Variants in BSN observed in about 807,000 individuals in gnomAD.
The protein encoded by BSN is bassoon presynaptic cytomatrix protein.
A neutral mutation model predicts 264.8 loss-of-function variants in BSN; 57 were observed. The observed-to-expected ratio is 0.22, with a 90% CI of 0.17 to 0.27. The LOEUF (loss-of-function observed/expected upper bound fraction) is 0.27, where lower values mean the gene tolerates loss of function less well. Ranked by LOEUF, BSN falls within the 10% of genes least tolerant of loss-of-function variation. The pLI, the probability that BSN is intolerant of heterozygous loss-of-function variation, is 1.00. For missense variants in BSN, 4,615 were observed against 5,232.5 expected (o/e 0.88, Z 3.64); for synonymous variants, 2,059 against 2,137.3 (o/e 0.96, Z 1.01).
At chr3:49,588,255 A>G (rs2051951307) in intron 1 of BSN, among the ~76,000 whole-genome samples, 1 of 152,090 alleles carries the variant, frequency 6.6e-6, no homozygotes, top group African/African-American at 2.4e-5. Flanking sequence ...CTAGGAAGTC[A>G]GTGCAAATTG....
At chr3:49,560,415 A>T (rs905513788) in intron 1 of BSN, among the ~76,000 whole-genome samples, 1 of 152,098 alleles carries the variant, frequency 6.6e-6, no homozygotes, top group Non-Finnish European at 1.5e-5. Context: ...TAGGTGTTTT[A>T]TTTCTTATTC....
Position 49,653,046 on chromosome 3 carries a change from C to G in BSN, c.3490C>G (p.Pro1164Ala). The G allele has an allele frequency of 5.6e-6, 9 of 1,613,600 alleles. No individual in the cohort carries two copies. The highest frequency in any genetic ancestry group is 7.6e-6 in the Non-Finnish European group (9 of 1,180,030). Residue 1164 changes from proline to alanine, a missense_variant, in exon 5 of 12, where the codon CCA becomes GCA. Physicochemically the swap from Pro to Ala is conservative, Grantham distance 27. Transcript: ENST00000296452. This position sits in a 1 kb window ranked among gnomAD's most constrained non-coding sequence, Gnocchi z 6.3. ...GCCCACCTTCATGTCCCTCTACTCA[C>G]CAACCGAGACACCCTCCGGCAGCTC... ...NLPTFMSLYS[P>A]TETPSGSSTT...
Position 49,554,638 on chromosome 3 carries a change from C to T in BSN, c.36C>T (p.Gly12=), listed in dbSNP as rs1453475598. The T allele has an allele frequency of 2.0e-6, 2 of 983,324 alleles. No homozygotes were observed. Among genetic ancestry groups the T allele is most frequent in the Non-Finnish European group, 1.2e-6 (1 of 829,976 alleles). The allele number at this position is 983,324 out of a possible 1,614,324, so 60.9% of individuals were successfully genotyped here. A position where few individuals can be genotyped will look rare whatever the true frequency, so the allele number is the denominator to read the frequency against. The change falls in exon 1 of 12, where the codon GGC becomes GGT. Residue 12 remains glycine, a synonymous_variant. Transcript: ENST00000296452. ...AGGTCAGCCTGGAGGGCGGCGCTGG[C>T]GACGGGCCGCTGCCGCCCGGCGGCG... ...GNEVSLEGGA[G]DGPLPPGGAG...
chr3:49,565,063 G>A (rs2051741967), intron 1 of BSN, among the ~76,000 whole-genome samples: 1 of 149,836 alleles, frequency 6.7e-6, no homozygotes, highest in African/African-American at 2.4e-5. Context: ...AACCTACCAC[G>A]TAGCTTCAAC....
chr3:49,671,402 T>C lies in BSN; in HGVS notation c.*3917T>C, dbSNP rs1369671770. 6.6e-6 allele frequency: 1 copy of C among 152,568 alleles called. No homozygotes were observed. The highest frequency in any genetic ancestry group is 2.4e-5 in the African/African-American group (1 of 41,410). 9.5% of individuals were successfully genotyped at this position (152,568 alleles called of 1,614,324 possible). A position where few individuals can be genotyped will look rare whatever the true frequency, so the allele number is the denominator to read the frequency against. The stretch of plus-strand genomic sequence containing the variant: ...AACAAGTTTACAGTTGTAAGTGCAA[T>C]GACCCGAGTCCTCCACATGACCTTG... On this transcript the variant is annotated 3_prime_UTR_variant, in exon 12 of 12. Transcript: ENST00000296452. This position sits in a 1 kb window ranked among gnomAD's most constrained non-coding sequence, Gnocchi z 4.1.
intron 1 of BSN, among the ~76,000 whole-genome samples, chr3:49,566,987 T>A (rs59709199): frequency 6.6e-6 from 1 of 152,160 alleles, no homozygotes; most frequent in African/African-American, 2.4e-5. Context: ...ACCTTTTTTT[T>A]AATGCACCAA....
intron 1 of BSN, among the ~76,000 whole-genome samples, chr3:49,618,683 C>T (rs974165871): frequency 6.6e-6 from 1 of 152,200 alleles, no homozygotes; most frequent in African/African-American, 2.4e-5. Flanking sequence ...TCTGGGTCTT[C>T]GTGCATGCTG....
At chr3:49,595,318 G>A (rs1314960467) in intron 1 of BSN, among the ~76,000 whole-genome samples, 2 of 151,360 alleles carry the variant, frequency 1.3e-5, no homozygotes, top group Admixed American at 6.6e-5. Flanking sequence ...TCAGCCTTCC[G>A]AGTAGCTGGG....
chr3:49,587,717 G>A (rs569135120), intron 1 of BSN, among the ~76,000 whole-genome samples: 154 of 152,054 alleles, frequency 1.0e-3, no homozygotes, highest in Non-Finnish European at 1.9e-3. Flanking sequence ...AGTATGATTG[G>A]TTGTGGAAGG....
chr3:49,650,248 C>G (rs1023313485), intron 3 of BSN, among the ~76,000 whole-genome samples: 6 of 152,222 alleles, frequency 3.9e-5, no homozygotes, highest in Non-Finnish European at 7.3e-5. Context: ...CATACCAGCC[C>G]ACTAGGAGCC....
rs1207945340 is a variant in BSN at position 49,663,430 on chromosome 3, C to A, written c.11272C>A (p.Gln3758Lys). ...QGRQAAPGPQ[Q>K]SQSPSSRQIP... ...TCGGCAGGCAGCTCCAGGACCACAG[C>A]AGTCACAGTCACCATCATCCAGGCA... Residue 3758 changes from glutamine (Q) to lysine (K), a missense_variant, in exon 7 of 12, where the codon CAG becomes AAG. By Grantham distance (53) the Gln-to-Lys change is moderately conservative. Transcript: ENST00000296452. 1 of 1,612,886 alleles carries A rather than the reference C, an allele frequency of 6.2e-7. No homozygotes were observed. The highest frequency in any genetic ancestry group is 1.7e-5 in the Admixed American group (1 of 60,034).
chr3:49,654,132 C>T lies in BSN; in HGVS notation c.4576C>T (p.Pro1526Ser), dbSNP rs1358030838. 3 of 1,614,066 alleles carry T rather than the reference C, an allele frequency of 1.9e-6. No individual in the cohort carries two copies. Among genetic ancestry groups the T allele is most frequent in the Non-Finnish European group, 2.5e-6 (3 of 1,180,032 alleles). Residue 1526 changes from proline to serine, a missense_variant, in exon 5 of 12, where the codon CCA becomes TCA. Pro to Ser is a moderately conservative substitution (Grantham distance 74). This residue lies in a region of BSN where 3,415 missense variants were observed against 3,866.4 expected (regional missense o/e 0.88). Transcript: ENST00000296452. This position sits in a 1 kb window ranked among gnomAD's most constrained non-coding sequence, Gnocchi z 4.1. ...DMPRSPGAPT[P>S]SPMVAQGTQT... is the part of the protein sequence containing the mutation. The stretch of plus-strand genomic sequence containing the variant: ...GCCACGGAGCCCTGGTGCCCCCACT[C>T]CATCACCTATGGTAGCCCAGGGTAC...
In BSN at chr3:49,656,529, GC is replaced by G. The variant is rs2108088353; in HGVS notation, c.6977del (p.Pro2326GlnfsTer6). 6.4e-7 allele frequency: 1 copy of G among 1,570,692 alleles called. No homozygotes were observed. On this transcript the variant is annotated frameshift_variant, in exon 5 of 12. Coordinates refer to ENST00000296452, the MANE Select transcript of BSN (RefSeq NM_003458.4). LOFTEE classifies it high-confidence loss of function. ...TPAAIKEAAG[A>X]PAPAPLAGQK... ...TGCTGCCATCAAGGAGGCTGCAGGA[GC>G]CCCAGCTCCTGCCCCACTAGCTGGC... is the stretch of plus-strand genomic sequence containing the variant.
At position 49,650,939 on chromosome 3, in the gene BSN, G is replaced by C. The variant is rs2052536905; in HGVS notation, c.1846G>C (p.Ala616Pro). ...QEKKTRVPTK[A>P]EPMPKPPPET... ...AAAGAAGACCCGAGTCCCCACTAAAGCTGAGCCCATGCCGAAGCCACCTCC... is the reference window on the plus strand; with the variant it reads ...AAAGAAGACCCGAGTCCCCACTAAACCTGAGCCCATGCCGAAGCCACCTCC... The change falls in exon 4 of 12, where the codon GCT becomes CCT. Residue 616 changes from alanine to proline, a missense_variant. Transcript: ENST00000296452. 1.2e-6 allele frequency: 2 copies of C among 1,614,174 alleles called. No homozygotes were observed. The highest frequency in any genetic ancestry group is 1.7e-6 in the Non-Finnish European group (2 of 1,180,038).
At chr3:49,630,681 A>C (rs1372459019) in intron 2 of BSN, among the ~76,000 whole-genome samples, 1 of 152,244 alleles carries the variant, frequency 6.6e-6, no homozygotes, top group African/African-American at 2.4e-5. Flanking sequence ...TTCAGATCTG[A>C]AAATAAGAAA....
chr3:49,661,748 G>C lies in BSN; in HGVS notation c.9903G>C (p.Lys3301Asn). 6.2e-7 allele frequency: 1 copy of C among 1,613,450 alleles called. No homozygotes were observed. ...AGGACTCATACGATCCCCGCGGGAA[G>C]GGTGGCCACCTCCGGAGCATGGAGA... ...SEEDSYDPRGKGGHLRSMESN... is the reference protein window; with the variant it reads ...SEEDSYDPRGNGGHLRSMESN... Residue 3301 changes from lysine (K) to asparagine (N), a missense_variant, in exon 6 of 12, where the codon AAG becomes AAC. Lys to Asn is a moderately conservative substitution (Grantham distance 94). Around this residue, in one of 3 missense-constraint regions of BSN, gnomAD observed 3,415 missense variants for 3,866.4 expected, o/e 0.88. Coordinates refer to ENST00000296452, the MANE Select transcript of BSN (RefSeq NM_003458.4).
Position 49,655,812 on chromosome 3 carries a change from A to C in BSN, c.6256A>C (p.Ser2086Arg). 1.2e-6 allele frequency: 2 copies of C among 1,613,418 alleles called. No individual in the cohort carries two copies. The highest frequency in any genetic ancestry group is 1.7e-6 in the Non-Finnish European group (2 of 1,180,024). Residue 2086 changes from serine to arginine, a missense_variant, in exon 5 of 12, where the codon AGC becomes CGC. Ser to Arg is a moderately radical substitution (Grantham distance 110). Transcript: ENST00000296452. Reference sequence around the variant, plus strand: ...AGATGCAGTTGGCTTCCAGGAGGCCAGCCTGGCCCAGTACAGTGCCACCAC... The same window carrying C: ...AGATGCAGTTGGCTTCCAGGAGGCCCGCCTGGCCCAGTACAGTGCCACCAC... ...RGDAVGFQEA[S>R]LAQYSATTAR...
At chr3:49,629,371 T>G (rs1485914119) in intron 2 of BSN, among the ~76,000 whole-genome samples, 2 of 152,122 alleles carry the variant, frequency 1.3e-5, no homozygotes, top group Non-Finnish European at 1.5e-5. Context: ...ATTCTGACAG[T>G]TGGGGGTGGG....
At chr3:49,616,007 C>T (rs566870561) in intron 1 of BSN, among the ~76,000 whole-genome samples, 1 of 152,164 alleles carries the variant, frequency 6.6e-6, no homozygotes, top group African/African-American at 2.4e-5. Context: ...TCTATCTCAT[C>T]TTTTAAAACT....
Sources: gnomAD v4.1 joint callset for allele counts (sites outside exome capture counted in the v4.1 genomes callset) on GRCh38, gnomAD v4.1.1 for gene constraint, gnomAD v4.1.1 regional missense constraint, Gnocchi (gnomAD v3.1) non-coding constraint, MANE v1.5 for transcripts, NCBI Gene and HGNC (gene_info 2026-07-23, HGNC 2026-07-21) for gene names.